Variants in ACSL1 observed in about 807,000 individuals in gnomAD.
ACSL1 encodes acyl-CoA synthetase long chain family member 1, also known as long-chain-fatty-acid--CoA ligase 1.
A neutral mutation model predicts 98.4 loss-of-function variants in ACSL1; 41 were observed. The observed-to-expected ratio is 0.42, with a 90% CI of 0.32 to 0.54. The LOEUF (loss-of-function observed/expected upper bound fraction) is 0.54. ACSL1 is among the 20% of genes least tolerant of loss of function. The pLI is 0.13. For missense variants in ACSL1, 734 were observed against 883.1 expected, an observed-to-expected ratio of 0.83 and a Z score of 2.14; for synonymous variants, 316 against 322.7, an observed-to-expected ratio of 0.98 and a Z score of 0.22.
chr4:184,775,532 G>A (rs980036817), intron 7 of ACSL1, among the ~76,000 whole-genome samples: 2 of 152,072 alleles, frequency 1.3e-5, no homozygotes, highest in Admixed American at 1.3e-4. Context: ...CAACAAGGAA[G>A]CACCCGGGTC....
At chr4:184,801,692 C>G (rs6836024) in intron 2 of ACSL1, among the ~76,000 whole-genome samples, 2,240 of 152,266 alleles carry the variant, frequency 0.015, 52 homozygotes, top group African/African-American at 0.051. Context: ...AAAATCAGAG[C>G]TAAATCAATG....
intron 15 of ACSL1, 125 bp downstream of exon 15, chr4:184,764,728 A>T (rs1180025008): frequency 3.5e-6 from 3 of 850,098 alleles, no homozygotes; most frequent in Non-Finnish European, 5.4e-6. Flanking sequence ...GAGCCTAATG[A>T]TCAGAAACAT....
chr4:184,812,479 C>G (rs145370921), intron 1 of ACSL1, among the ~76,000 whole-genome samples: 1 of 152,116 alleles, frequency 6.6e-6, no homozygotes, highest in East Asian at 1.9e-4. Context: ...ACACCGCACA[C>G]CAGAAAGGAG....
chr4:184,807,886 T>A (rs1771632534), intron 1 of ACSL1, among the ~76,000 whole-genome samples: 1 of 152,132 alleles, frequency 6.6e-6, no homozygotes, highest in Non-Finnish European at 1.5e-5. Context: ...TAATAATTCT[T>A]AACTATGCTA....
Position 184,803,281 on chromosome 4 carries a change from C to T in ACSL1, c.195+39G>A, listed in dbSNP as rs368438422. On this transcript the variant is annotated intron_variant, in intron 2 of 20. Transcript: ENST00000281455. This position sits in a 1 kb window ranked among gnomAD's most constrained non-coding sequence, Gnocchi z 4.8. ...AGGGCTCAGCTCATCTGGGGAAATGCGGAGAAAACGCACGAGGCAGGCTGG... is the reference window on the plus strand; with the variant it reads ...AGGGCTCAGCTCATCTGGGGAAATGTGGAGAAAACGCACGAGGCAGGCTGG... The T allele has an allele frequency of 3.3e-5, 49 of 1,474,330 alleles. No individual in the cohort carries two copies. The highest frequency in any genetic ancestry group is 1.8e-4 in the Middle Eastern group (1 of 5,452). 91.3% of individuals were successfully genotyped at this position (1,474,330 alleles called of 1,614,324 possible).
At chr4:184,787,893 C>A (rs1767675331) in intron 3 of ACSL1, among the ~76,000 whole-genome samples, 1 of 150,742 alleles carries the variant, frequency 6.6e-6, no homozygotes, top group East Asian at 1.9e-4. Flanking sequence ...CAAGTCTGGG[C>A]ATGGTGGCTC....
At chr4:184,796,406 C>T (rs1169248651) in intron 2 of ACSL1, among the ~76,000 whole-genome samples, 1 of 152,244 alleles carries the variant, frequency 6.6e-6, no homozygotes, top group Admixed American at 6.5e-5. Flanking sequence ...ACTGCCCCAA[C>T]TGCCAGGATC....
intron 5 of ACSL1, among the ~76,000 whole-genome samples, chr4:184,778,183 A>G (rs1486722623): frequency 1.3e-5 from 2 of 152,192 alleles, no homozygotes; most frequent in African/African-American, 2.4e-5. Flanking sequence ...CTCTTTCACT[A>G]CCATACCCAG....
intron 5 of ACSL1, among the ~76,000 whole-genome samples, chr4:184,777,964 C>G (rs1236453859): frequency 1.3e-5 from 2 of 152,204 alleles, no homozygotes; most frequent in Non-Finnish European, 2.9e-5. Context: ...GAAGACCCCT[C>G]TGGCAGCAGG....
chr4:184,796,457 G>A (rs759149724), intron 2 of ACSL1, among the ~76,000 whole-genome samples: 19 of 152,202 alleles, frequency 1.2e-4, no homozygotes, highest in Non-Finnish European at 2.4e-4. Flanking sequence ...TACTTTTCAG[G>A]AATTCTCTGA....
intron 15 of ACSL1, among the ~76,000 whole-genome samples, chr4:184,764,314 G>C (rs1763263355): frequency 6.6e-6 from 1 of 152,122 alleles, no homozygotes; most frequent in Admixed American, 6.5e-5. Context: ...ACTGACATTA[G>C]GTACATCCTA....
chr4:184,758,566 A>G (rs1389322363), intron 18 of ACSL1: 1 of 152,214 alleles, frequency 6.6e-6, no homozygotes, highest in Non-Finnish European at 1.5e-5. Context: ...GAAAATAAAT[A>G]AATAAAATGT....
chr4:184,823,455 T>C (rs998457186), intron 1 of ACSL1, among the ~76,000 whole-genome samples: 1 of 152,198 alleles, frequency 6.6e-6, no homozygotes, highest in Admixed American at 6.5e-5. Context: ...TCTTAAAAAC[T>C]AAACATTCCT....
intron 15 of ACSL1, among the ~76,000 whole-genome samples, chr4:184,763,946 CTG>C (rs141678075): frequency 0.014 from 2,130 of 152,260 alleles, 53 homozygotes; most frequent in African/African-American, 0.049. Context: ...GTTAAGGAAA[CTG>C]AGGTTAAAAA....
At chr4:184,771,243 A>T (rs1237739424) in intron 10 of ACSL1, among the ~76,000 whole-genome samples, 1 of 152,222 alleles carries the variant, frequency 6.6e-6, no homozygotes, top group Non-Finnish European at 1.5e-5. Flanking sequence ...TGGAAGGTTA[A>T]GGGATTATAT....
At chr4:184,800,660 C>G (rs2150429864) in intron 2 of ACSL1, among the ~76,000 whole-genome samples, 1 of 152,346 alleles carries the variant, frequency 6.6e-6, no homozygotes, top group South Asian at 2.1e-4. Context: ...CAGGGCATCA[C>G]AGTTATGACT....
intron 1 of ACSL1, among the ~76,000 whole-genome samples, chr4:184,809,519 G>A (rs375603456): frequency 2.6e-5 from 4 of 152,166 alleles, no homozygotes; most frequent in Non-Finnish European, 4.4e-5. Context: ...TAGGCCGGGC[G>A]CGGTGGCTCA....
rs886568341 is a variant in ACSL1, at chr4:184,755,732, G to A, written c.*1393C>T. 1.3e-5 allele frequency: 2 copies of A among 152,616 alleles called. No homozygotes were observed. The highest frequency in any genetic ancestry group is 4.8e-5 in the African/African-American group (2 of 41,434). The allele number at this position is 152,616 out of a possible 1,614,324, so 9.5% of individuals were successfully genotyped here. A position where few individuals can be genotyped will look rare whatever the true frequency, so the allele number is the denominator to read the frequency against. ...CAAGGTGACAAATTATTGACTTTTT[G>A]TGCAATTAAGAATACATATATGAAG... On this transcript the variant is annotated 3_prime_UTR_variant, in exon 21 of 21. Coordinates refer to ENST00000281455, the MANE Select transcript of ACSL1 (RefSeq NM_001995.5).
rs556035408 is a variant in ACSL1, at chr4:184,815,337, C to T, written c.-33+10579G>A. Among the ~76,000 whole-genome samples the T allele has an allele frequency of 2.4e-3, 364 of 152,252 alleles. 4 individuals are homozygous for T. The Middle Eastern group carries it at 0.037, about 16-fold the overall frequency. The stretch of plus-strand genomic sequence containing the variant: ...GGGGACTCGCAGCCGCATTGTAAGG[C>T]AACCGTCAGGAGCCTCTGCCTCTCT... On this transcript the variant is annotated intron_variant, in intron 1 of 20. Transcript: ENST00000281455.
Sources: allele counts gnomAD v4.1 joint callset (sites outside exome capture counted in the v4.1 genomes callset), GRCh38; gene constraint gnomAD v4.1.1; non-coding constraint Gnocchi (gnomAD v3.1); transcripts MANE v1.5; gene names NCBI Gene and HGNC (gene_info 2026-07-23, HGNC 2026-07-21).